The following LINS1 variants were observed in gnomAD, a reference collection of about 807,000 sequenced individuals.
The protein encoded by LINS1 is lines homolog 1, also known as protein Lines homolog 1.
LINS1 carries 27 observed loss-of-function variants against 41.6 expected under a neutral mutation model. The ratio of observed to expected loss-of-function variants is 0.65; its 90% CI spans 0.48 to 0.89. LINS1 has a LOEUF of 0.89. Among genes scored for constraint, LINS1 ranks in the 40% least tolerant of loss-of-function variants. The pLI is 0.00. For synonymous variants in LINS1, 336 were observed against 312.9 expected (o/e 1.07, Z -0.78); for missense variants, 955 against 884.1 (o/e 1.08, Z -1.02).
intron 6 of LINS1, chr15:100,570,638 A>G (rs982480716): frequency 1.3e-5 from 2 of 152,852 alleles, no homozygotes; most frequent in Non-Finnish European, 2.9e-5. Context: ...GCCGGTGGCC[A>G]TGCCTTGAGA....
At chr15:100,572,416 A>G (rs2037881104) in intron 5 of LINS1, 10 of 1,110,524 alleles carry the variant, frequency 9.0e-6, no homozygotes, top group Non-Finnish European at 1.1e-5. Flanking sequence ...ATCGGATGCC[A>G]GAGCTGTCTG....
At chr15:100,592,698 T>C (rs1326363014) in intron 1 of LINS1, among the ~76,000 whole-genome samples, 19 of 152,218 alleles carry the variant, frequency 1.2e-4, no homozygotes. Flanking sequence ...GATCAACTTA[T>C]TGTTCTAGTC....
intron 1 of LINS1, among the ~76,000 whole-genome samples, chr15:100,583,016 G>T (rs2038635324): frequency 6.6e-6 from 1 of 150,464 alleles, no homozygotes; most frequent in South Asian, 2.1e-4. Context: ...TCTTACACTG[G>T]GTCTTCTGTC....
intron 1 of LINS1, among the ~76,000 whole-genome samples, chr15:100,590,678 C>T (rs572717701): frequency 6.6e-6 from 1 of 152,344 alleles, no homozygotes; most frequent in East Asian, 1.9e-4. Flanking sequence ...TGTGCAGCTG[C>T]TGGCACTTGT....
At chr15:100,572,542 T>A (rs190524174) in intron 5 of LINS1, 1 of 984,302 alleles carries the variant, frequency 1.0e-6, no homozygotes, top group East Asian at 1.0e-4. Context: ...AAAAACGTTT[T>A]AGGTAGTTTG....
chr15:100,600,290 C>T (rs1230956332), intron 1 of LINS1, among the ~76,000 whole-genome samples: 1 of 152,080 alleles, frequency 6.6e-6, no homozygotes, highest in South Asian at 2.1e-4. Flanking sequence ...GGAGAGACTT[C>T]TTTATCATGC....
In LINS1 at chr15:100,575,118, CTTAAGG is replaced by C. The variant is rs776337792; in HGVS notation, c.494_499del (p.Thr165_Leu166del). 1.1e-5 allele frequency: 18 copies of C among 1,611,418 alleles called. No individual in the cohort carries two copies. The highest frequency in any genetic ancestry group is 1.7e-5 in the Admixed American group (1 of 60,006). ...CTGGCAAAAAGCAATCCAGGAATTA[CTTAAGG>C]TTATCTACAAGTGAGAAAATAAAGC... On this transcript the variant is annotated inframe_deletion, in exon 4 of 7. Transcript: ENST00000314742.
chr15:100,570,182 T>C (rs2037747170), intron 6 of LINS1, 65 bp from the exon 7 acceptor site: 4 of 1,259,810 alleles, frequency 3.2e-6, no homozygotes. Context: ...TTTTACCAGA[T>C]ATAATTCACA....
intron 1 of LINS1, among the ~76,000 whole-genome samples, chr15:100,593,545 G>C (rs1427044731): frequency 1.0e-5 from 1 of 96,744 alleles, no homozygotes; most frequent in Admixed American, 1.2e-4. Context: ...CTCTAAGTGA[G>C]TTTTACAACT....
At chr15:100,601,482 C>G (rs1437799454) in intron 1 of LINS1, among the ~76,000 whole-genome samples, 2 of 152,192 alleles carry the variant, frequency 1.3e-5, no homozygotes, top group Non-Finnish European at 2.9e-5. Flanking sequence ...GACTCTACCT[C>G]TCAGTACTGC....
chr15:100,600,436 TGGGCCTAGTGCAG>T (rs2141371773), intron 1 of LINS1, among the ~76,000 whole-genome samples: 1 of 151,898 alleles, frequency 6.6e-6, no homozygotes, highest in African/African-American at 2.4e-5. Flanking sequence ...CCTGGTCTGT[TGGGCCTAGTGCAG>T]GGGTTTAATC....
At chr15:100,574,661 T>C (rs1290488939) in intron 4 of LINS1, among the ~76,000 whole-genome samples, 1 of 152,196 alleles carries the variant, frequency 6.6e-6, no homozygotes, top group Non-Finnish European at 1.5e-5. Context: ...TGAGCCAAGA[T>C]CATGCCATTG....
In LINS1 at chr15:100,569,241, CAA is replaced by C; in HGVS notation, c.2269_2270del (p.Leu757ValfsTer4). On this transcript the variant is annotated frameshift_variant, in exon 7 of 7. Transcript: ENST00000314742. LOFTEE classifies it high-confidence loss of function. ...EVISNKTMNTL is the reference protein window; with the variant it reads ...EVISNKTMNTX ...TGGAAAATAAAATGTCAATGTTTTA[CAA>C]AGTGTTCATAGTTTTATTACTTATC... The C allele has an allele frequency of 6.4e-7, 1 of 1,572,348 alleles. No homozygotes were observed. The highest frequency in any genetic ancestry group is 8.7e-7 in the Non-Finnish European group (1 of 1,144,436).
Position 100,590,958 on chromosome 15 carries a change from C to A in LINS1, c.-103-10013G>T, listed in dbSNP as rs183714010. Among the ~76,000 whole-genome samples, 1,231 of 152,248 alleles carry A rather than the reference C, an allele frequency of 8.1e-3. 18 individuals are homozygous for A. Among genetic ancestry groups the A allele is most frequent in the African/African-American group, 0.028 (1,165 of 41,538 alleles). On this transcript the variant is annotated intron_variant, in intron 1 of 6. Coordinates refer to ENST00000314742, the MANE Select transcript of LINS1 (RefSeq NM_001040616.3). ...CTTTGGGAGGCCGAGGCGGGCAGAT[C>A]ACCTGAGGACAGGAGTTTGAGACCA...
At chr15:100,575,341 A>T (rs1442258576) in intron 3 of LINS1, among the ~76,000 whole-genome samples, 5 of 152,292 alleles carry the variant, frequency 3.3e-5, no homozygotes, top group Admixed American at 6.5e-5. Flanking sequence ...CTACCAAGCA[A>T]ATGGAAAACA....
intron 3 of LINS1, among the ~76,000 whole-genome samples, chr15:100,575,358 G>A (rs1334471527): frequency 2.0e-5 from 3 of 151,946 alleles, no homozygotes; most frequent in Non-Finnish European, 4.4e-5. Context: ...AACAAAAAAA[G>A]GCAGGGGTTG....
intron 1 of LINS1, among the ~76,000 whole-genome samples, chr15:100,581,651 A>G (rs1054663996): frequency 1.3e-5 from 2 of 152,228 alleles, no homozygotes; most frequent in African/African-American, 4.8e-5. Context: ...GAATATCATG[A>G]CAATGGAATG....
Position 100,568,022 on chromosome 15 carries a change from A to T in LINS1, c.*1216T>A, listed in dbSNP as rs2037616247. The T allele has an allele frequency of 1.3e-5, 2 of 152,220 alleles. No homozygotes were observed. The highest frequency in any genetic ancestry group is 2.9e-5 in the Non-Finnish European group (2 of 68,048). 9.4% of individuals were successfully genotyped at this position (152,220 alleles called of 1,614,324 possible). A position where few individuals can be genotyped will look rare whatever the true frequency, so the allele number is the denominator to read the frequency against. ...ATATTTTAGACTGCCTTAATGCCAG[A>T]CTTCGCAGCACAATATAGCTATTGC... On this transcript the variant is annotated 3_prime_UTR_variant, in exon 7 of 7. Coordinates refer to ENST00000314742, the MANE Select transcript of LINS1 (RefSeq NM_001040616.3).
intron 5 of LINS1, chr15:100,573,194 G>A (rs147619099): frequency 5.6e-4 from 102 of 183,460 alleles, no homozygotes; most frequent in Non-Finnish European, 9.1e-4. Context: ...GATGGGTCGC[G>A]GCTCACTGTA....
Sources: allele counts gnomAD v4.1 joint callset (sites outside exome capture counted in the v4.1 genomes callset), GRCh38; gene constraint gnomAD v4.1.1; transcripts MANE v1.5; gene names NCBI Gene and HGNC (gene_info 2026-07-23, HGNC 2026-07-21).